SPPL3: variants seen among roughly 807,000 people sequenced by gnomAD.
The protein encoded by SPPL3 is signal peptide peptidase like 3, also known as signal peptide peptidase-like 3.
Under a neutral mutation model 42.4 loss-of-function variants are expected in SPPL3, and 5 were observed. The observed-to-expected ratio is 0.12, with a 90% CI of 0.06 to 0.25. The LOEUF (loss-of-function observed/expected upper bound fraction) is 0.25. Ranked by LOEUF, SPPL3 falls within the 10% of genes least tolerant of loss-of-function variation. SPPL3 has a pLI of 1.00. For missense variants in SPPL3, 235 were observed against 489.0 expected, an observed-to-expected ratio of 0.48 and a Z score of 4.90; for synonymous variants, 195 against 181.8, an observed-to-expected ratio of 1.07 and a Z score of -0.58.
intron 1 of SPPL3, among the ~76,000 whole-genome samples, chr12:120,851,464 G>C (rs1403627709): frequency 1.3e-5 from 2 of 151,640 alleles, no homozygotes. Context: ...TGGCATACCT[G>C]AGGCCAAAAG....
At position 120,799,208 on chromosome 12, in the gene SPPL3, G is replaced by A. The variant is rs146881640; in HGVS notation, c.102-7651C>T. Among the ~76,000 whole-genome samples, 3 of 152,218 alleles carry A rather than the reference G, an allele frequency of 2.0e-5. 1 individual carries two copies. The highest frequency in any genetic ancestry group is 7.2e-5 in the African/African-American group (3 of 41,528). ...GCCCAGCCTACCTTAAACGTGCTCA[G>A]AACACGTACATTAGCCTACAGTTGG... On this transcript the variant is annotated intron_variant, in intron 2 of 10. Coordinates refer to ENST00000353487, the MANE Select transcript of SPPL3 (RefSeq NM_139015.5).
rs183600037 is a variant in SPPL3, at chr12:120,764,335, C to T, written c.*664G>A. 3 of 151,226 alleles carry T rather than the reference C, an allele frequency of 2.0e-5. No homozygotes were observed. The highest frequency in any genetic ancestry group is 2.1e-4 in the South Asian group (1 of 4,802). 9.4% of individuals were successfully genotyped at this position (151,226 alleles called of 1,614,324 possible). On this transcript the variant is annotated 3_prime_UTR_variant, in exon 11 of 11. Coordinates refer to ENST00000353487, the MANE Select transcript of SPPL3 (RefSeq NM_139015.5). ...GTGTGTGTTTATATATATATATGTA[C>T]GTATGTATAAAAACCGTGCCCTTGT...
intron 1 of SPPL3, among the ~76,000 whole-genome samples, chr12:120,871,130 CAAAAAAAAAAA>C (rs71453512): frequency 1.9e-5 from 1 of 51,686 alleles, no homozygotes; most frequent in African/African-American, 6.2e-5. Context: ...ACTCCGTCTC[CAAAAAAAAAAA>C]AAAAAAAAGA....
At chr12:120,771,334 G>A (rs1430508216) in intron 6 of SPPL3, among the ~76,000 whole-genome samples, 2 of 152,066 alleles carry the variant, frequency 1.3e-5, no homozygotes, top group Middle Eastern at 3.2e-3. Context: ...CCATGCCGCC[G>A]CTTCGGCCAC....
intron 1 of SPPL3, among the ~76,000 whole-genome samples, chr12:120,888,218 G>T (rs1186799902): frequency 6.6e-6 from 1 of 152,090 alleles, no homozygotes; most frequent in Non-Finnish European, 1.5e-5. Flanking sequence ...TGGGATTACA[G>T]GCGTCCACCA....
chr12:120,848,583 AT>A (rs1428972287), intron 1 of SPPL3, among the ~76,000 whole-genome samples: 1 of 152,222 alleles, frequency 6.6e-6, no homozygotes, highest in African/African-American at 2.4e-5. Context: ...TTATTTTAGA[AT>A]TGCTGTATTA....
intron 1 of SPPL3, chr12:120,901,782 A>T: frequency 1.9e-6 from 1 of 533,924 alleles, no homozygotes; most frequent in Non-Finnish European, 2.4e-6. Context: ...GAAGTATTTT[A>T]GTAGAATAAA....
intron 1 of SPPL3, among the ~76,000 whole-genome samples, chr12:120,881,465 CAAA>C (rs374467556): frequency 5.7e-5 from 3 of 53,018 alleles, no homozygotes; most frequent in Admixed American, 2.9e-4. Context: ...GAGACTGCCT[CAAA>C]AAAAAAAAAA....
chr12:120,805,827 A>G (rs557413149), intron 2 of SPPL3, among the ~76,000 whole-genome samples: 21 of 152,318 alleles, frequency 1.4e-4, no homozygotes, highest in African/African-American at 4.8e-4. Flanking sequence ...CACACTGAAA[A>G]TTACAAAACA....
chr12:120,768,880 T>G (rs1869007327), intron 7 of SPPL3, 73 bp downstream of exon 7: 1 of 1,330,776 alleles, frequency 7.5e-7, no homozygotes, highest in Admixed American at 2.0e-5. Flanking sequence ...TACTTCTAGT[T>G]AATAGTTTTC....
Position 120,768,333 on chromosome 12 carries a change from G to C in SPPL3, c.765C>G (p.Val255=). ...VPRLSLPGKL[V]FPSSTGSHFS... is the part of the protein sequence containing the mutation. ...ATAGCATGAGGTCTTACCTTGGGAAGACCAGTTTTCCAGGCAGAGACAGGC... is the reference window on the plus strand; with the variant it reads ...ATAGCATGAGGTCTTACCTTGGGAACACCAGTTTTCCAGGCAGAGACAGGC... The change falls in exon 8 of 11, where the codon GTC becomes GTG. Residue 255 remains valine (V), a synonymous_variant. Transcript: ENST00000353487. 1 of 1,613,526 alleles carries C rather than the reference G, an allele frequency of 6.2e-7. No homozygotes were observed. The highest frequency in any genetic ancestry group is 8.5e-7 in the Non-Finnish European group (1 of 1,179,678).
At chr12:120,894,880 G>A (rs1301148971) in intron 1 of SPPL3, among the ~76,000 whole-genome samples, 2 of 152,158 alleles carry the variant, frequency 1.3e-5, no homozygotes, top group African/African-American at 4.8e-5. Flanking sequence ...CCGGGAGGTG[G>A]AGGCTGCAGT....
At chr12:120,829,097 C>A (rs1468912328) in intron 1 of SPPL3, among the ~76,000 whole-genome samples, 1 of 152,084 alleles carries the variant, frequency 6.6e-6, no homozygotes, top group African/African-American at 2.4e-5. Flanking sequence ...AGTGTTTGAA[C>A]AACTGGATGT....
chr12:120,857,766 A>C (rs971150266), intron 1 of SPPL3, among the ~76,000 whole-genome samples: 1 of 152,208 alleles, frequency 6.6e-6, no homozygotes, highest in Admixed American at 6.5e-5. Context: ...GAACTGAACA[A>C]TGAGAACACA....
At chr12:120,766,098 G>GCACACACAAACACACACA (rs750703823) in intron 10 of SPPL3, among the ~76,000 whole-genome samples, 165 bp downstream of exon 10, 1 of 144,044 alleles carries the variant, frequency 6.9e-6, no homozygotes, top group African/African-American at 2.6e-5. Context: ...TAGCGCGCGC[G>GCACACACAAACACACACA]CGCACACACA....
intron 3 of SPPL3, among the ~76,000 whole-genome samples, chr12:120,785,946 C>A (rs955947208): frequency 8.2e-5 from 12 of 146,402 alleles, no homozygotes; most frequent in Non-Finnish European, 1.5e-4. Flanking sequence ...AAGGTCTCTT[C>A]ATTATATTAA....
chr12:120,822,513 A>G (rs1057047584), intron 1 of SPPL3, among the ~76,000 whole-genome samples: 3 of 152,206 alleles, frequency 2.0e-5, no homozygotes, highest in African/African-American at 7.2e-5. Context: ...ACAGATTGAC[A>G]TTTAGTTATT....
chr12:120,764,697 T>C lies in SPPL3; in HGVS notation c.*302A>G, dbSNP rs1349939215. On this transcript the variant is annotated 3_prime_UTR_variant, in exon 11 of 11. Transcript: ENST00000353487. ...GTTTTTAAACAGTCAAATCTCCATC[T>C]CCCCCAGAAGGTAACAGTCTGGTGC... is the stretch of plus-strand genomic sequence containing the variant. 2.5e-6 allele frequency: 1 copy of C among 398,612 alleles called. No homozygotes were observed. The highest frequency in any genetic ancestry group is 3.6e-5 in the East Asian group (1 of 28,080). The allele number at this position is 398,612 out of a possible 1,614,324, so 24.7% of individuals were successfully genotyped here.
At chr12:120,868,511 G>A (rs578160569) in intron 1 of SPPL3, among the ~76,000 whole-genome samples, 4 of 151,586 alleles carry the variant, frequency 2.6e-5, no homozygotes, top group South Asian at 4.2e-4. Context: ...ATTTTGAGAC[G>A]GATTCTCACT....
Sources: allele counts gnomAD v4.1 joint callset (sites outside exome capture counted in the v4.1 genomes callset), GRCh38; gene constraint gnomAD v4.1.1; transcripts MANE v1.5; gene names NCBI Gene and HGNC (gene_info 2026-07-23, HGNC 2026-07-21).